GRID2: variants seen among roughly 807,000 people sequenced by gnomAD.
GRID2 encodes the protein glutamate receptor ionotropic, delta-2.
Under a neutral mutation model 114.8 loss-of-function variants are expected in GRID2, and 33 were observed. That is an observed-to-expected ratio of 0.29 (90% CI 0.22 to 0.38). GRID2 has a LOEUF of 0.38. GRID2 is among the 10% of genes least tolerant of loss of function. GRID2 has a pLI of 1.00. For missense variants in GRID2, 1,184 were observed against 1,257.7 expected (o/e 0.94, Z 0.89); for synonymous variants, 505 against 449.9 (o/e 1.12, Z -1.55).
At chr4:92,923,884 C>T (rs1749578164) in intron 2 of GRID2, among the ~76,000 whole-genome samples, 1 of 152,152 alleles carries the variant, frequency 6.6e-6, no homozygotes, top group Non-Finnish European at 1.5e-5. Context: ...TTTGACCCAG[C>T]AATCTGATTA....
chr4:93,200,783 T>C (rs956386129), intron 4 of GRID2, among the ~76,000 whole-genome samples: 1 of 152,230 alleles, frequency 6.6e-6, no homozygotes, highest in African/African-American at 2.4e-5. Context: ...TAAATTAACA[T>C]TGATTATAGT....
At chr4:92,964,132 T>C (rs1752987911) in intron 2 of GRID2, among the ~76,000 whole-genome samples, 1 of 151,986 alleles carries the variant, frequency 6.6e-6, no homozygotes, top group Non-Finnish European at 1.5e-5. Flanking sequence ...AACAGAATTC[T>C]TAAGAGCTCT....
At chr4:93,651,708 T>C (rs1223655923) in intron 14 of GRID2, among the ~76,000 whole-genome samples, 1 of 152,182 alleles carries the variant, frequency 6.6e-6, no homozygotes, top group Admixed American at 6.5e-5. Flanking sequence ...ATGCTTAATA[T>C]GTTTTAAGTT....
intron 14 of GRID2, among the ~76,000 whole-genome samples, chr4:93,721,920 CTTTTT>C (rs5860343): frequency 7.5e-6 from 1 of 132,614 alleles, no homozygotes; most frequent in Admixed American, 7.7e-5. Flanking sequence ...TTTCTTTTTT[CTTTTT>C]TTTTTTTTTT....
chr4:92,648,944 ATTAT>A (rs1374483691), intron 2 of GRID2, among the ~76,000 whole-genome samples: 5 of 141,090 alleles, frequency 3.5e-5, no homozygotes, highest in Admixed American at 7.1e-5. Context: ...TTTAGAGACA[ATTAT>A]TTATGTGTAG....
At chr4:92,910,354 T>A (rs1748282569) in intron 2 of GRID2, among the ~76,000 whole-genome samples, 1 of 152,252 alleles carries the variant, frequency 6.6e-6, no homozygotes, top group East Asian at 1.9e-4. Flanking sequence ...CTTCAGTTCA[T>A]ATATTTGTAA....
rs569779959 is a variant in GRID2 at position 92,513,720 on chromosome 4, C to T, written c.89-76411C>T. On this transcript the variant is annotated intron_variant, in intron 1 of 15. Transcript: ENST00000282020. ...TCCTGCCTGCTTTCACTCAATGCTG[C>T]GTCCCTCTTCCTTGCATAGTGCTGG... Among the ~76,000 whole-genome samples the T allele has an allele frequency of 7.9e-5, 12 of 151,956 alleles. No individual in the cohort carries two copies. The South Asian group carries it at 2.3e-3, about 29-fold the overall frequency.
chr4:92,890,681 C>T (rs1264477095), intron 2 of GRID2, among the ~76,000 whole-genome samples: 1 of 152,100 alleles, frequency 6.6e-6, no homozygotes, highest in Non-Finnish European at 1.5e-5. Flanking sequence ...TAAATTAGTT[C>T]AACCGTTGTG....
chr4:92,654,919 A>T (rs2149264794), intron 2 of GRID2, among the ~76,000 whole-genome samples: 1 of 151,878 alleles, frequency 6.6e-6, no homozygotes, highest in Non-Finnish European at 1.5e-5. Context: ...TCTCATTAAA[A>T]TTTTGCCTGT....
At chr4:93,089,930 G>A (rs758607612) in intron 3 of GRID2, among the ~76,000 whole-genome samples, 1 of 152,114 alleles carries the variant, frequency 6.6e-6, no homozygotes, top group African/African-American at 2.4e-5. Flanking sequence ...AATACCCTAT[G>A]TGTAATGGGC....
chr4:92,864,683 C>G (rs879937887), intron 2 of GRID2, among the ~76,000 whole-genome samples: 4 of 152,162 alleles, frequency 2.6e-5, no homozygotes, highest in Non-Finnish European at 5.9e-5. Flanking sequence ...GATACTACTA[C>G]TAGGCCTTTC....
At chr4:93,724,204 A>G (rs1339458900) in intron 14 of GRID2, among the ~76,000 whole-genome samples, 1 of 152,182 alleles carries the variant, frequency 6.6e-6, no homozygotes, top group African/African-American at 2.4e-5. Context: ...TTTTAAACCC[A>G]CCATGCTATT....
intron 13 of GRID2, among the ~76,000 whole-genome samples, chr4:93,560,165 A>G (rs1734758508): frequency 7.2e-6 from 1 of 139,270 alleles, no homozygotes; most frequent in Admixed American, 7.7e-5. Flanking sequence ...CGCCATGGCA[A>G]GTGTGTACCT....
At chr4:92,941,888 T>A (rs192904248) in intron 2 of GRID2, among the ~76,000 whole-genome samples, 15 of 152,218 alleles carry the variant, frequency 9.9e-5, no homozygotes, top group African/African-American at 1.9e-4. Context: ...TTTGAGTGAC[T>A]TTCTTCATCC....
At chr4:93,550,126 CA>C (rs1419022625) in intron 13 of GRID2, among the ~76,000 whole-genome samples, 2 of 151,958 alleles carry the variant, frequency 1.3e-5, no homozygotes, top group Non-Finnish European at 2.9e-5. Flanking sequence ...TTTTTAGAGA[CA>C]GGGGTGTCAC....
At chr4:92,741,048 A>C (rs1311376268) in intron 2 of GRID2, among the ~76,000 whole-genome samples, 1 of 152,078 alleles carries the variant, frequency 6.6e-6, no homozygotes, top group African/African-American at 2.4e-5. Context: ...CCAGCCTATA[A>C]TTCTTTTCAT....
chr4:93,372,428 A>T (rs2149294149), intron 8 of GRID2, among the ~76,000 whole-genome samples: 1 of 152,220 alleles, frequency 6.6e-6, no homozygotes, highest in Admixed American at 6.5e-5. Context: ...TGACTACTAC[A>T]ATGTCCCCAT....
chr4:92,692,676 G>A (rs1476577888), intron 2 of GRID2, among the ~76,000 whole-genome samples: 1 of 152,092 alleles, frequency 6.6e-6, no homozygotes, highest in African/African-American at 2.4e-5. Flanking sequence ...GAGAGAAATT[G>A]GAAGATGGAA....
intron 8 of GRID2, among the ~76,000 whole-genome samples, chr4:93,347,934 G>A (rs944413352): frequency 6.6e-6 from 1 of 152,054 alleles, no homozygotes; most frequent in African/African-American, 2.4e-5. Context: ...TCTAATATCT[G>A]TGTCTCTAAA....
Sources: allele counts gnomAD v4.1 joint callset (sites outside exome capture counted in the v4.1 genomes callset), GRCh38; gene constraint gnomAD v4.1.1; transcripts MANE v1.5; gene names NCBI Gene and HGNC (gene_info 2026-07-23, HGNC 2026-07-21).